ADCY9: variants seen among roughly 807,000 people sequenced by gnomAD.
ADCY9 encodes the protein adenylate cyclase type 9.
Under a neutral mutation model 101.5 loss-of-function variants are expected in ADCY9, and 50 were observed. That is an observed-to-expected ratio of 0.49 (90% CI 0.39 to 0.62). The LOEUF (loss-of-function observed/expected upper bound fraction) is 0.62, where lower values mean the gene tolerates loss of function less well. Ranked by LOEUF, ADCY9 falls within the 20% of genes least tolerant of loss-of-function variation. The probability of loss-of-function intolerance (pLI) is 0.00; values close to 1 mark genes in which losing one functional copy is unlikely to be tolerated. For missense variants in ADCY9, 1,662 were observed against 1,800.4 expected (o/e 0.92, Z 1.39); for synonymous variants, 905 against 769.3 (o/e 1.18, Z -2.92).
intron 9 of ADCY9, among the ~76,000 whole-genome samples, chr16:3,974,941 TC>T (rs1432311153): frequency 2.6e-5 from 4 of 152,138 alleles, no homozygotes; most frequent in African/African-American, 7.2e-5. Flanking sequence ...ATCCTCTCTA[TC>T]CTGCTGAGGC....
intron 2 of ADCY9, among the ~76,000 whole-genome samples, chr16:4,011,926 C>T (rs1195154625): frequency 1.3e-5 from 2 of 152,242 alleles, no homozygotes; most frequent in East Asian, 1.9e-4. Context: ...GCATGTGAGG[C>T]TTAAATGATC....
At chr16:3,957,316 A>G (rs1490152423) in intron 5 of ADCY9, among the ~76,000 whole-genome samples, 1 of 152,246 alleles carries the variant, frequency 6.6e-6, no homozygotes, top group Admixed American at 6.5e-5. Flanking sequence ...AGGGGTTTTC[A>G]GCTCGTTGGC....
intron 3 of ADCY9, among the ~76,000 whole-genome samples, chr16:4,002,027 G>A (rs943729097): frequency 1.3e-5 from 2 of 152,132 alleles, no homozygotes; most frequent in Non-Finnish European, 2.9e-5. Context: ...GGGATTACAG[G>A]TGTGACCACC....
At chr16:4,104,887 C>A (rs1186846110) in intron 2 of ADCY9, among the ~76,000 whole-genome samples, 1 of 151,768 alleles carries the variant, frequency 6.6e-6, no homozygotes, top group Non-Finnish European at 1.5e-5. Flanking sequence ...GGCTAACATG[C>A]TGAAACCCTG....
intron 2 of ADCY9, among the ~76,000 whole-genome samples, chr16:4,019,791 A>C (rs1206607427): frequency 1.3e-5 from 2 of 152,110 alleles, no homozygotes; most frequent in African/African-American, 4.8e-5. Flanking sequence ...AGAAGAAGAG[A>C]TACATGCCAG....
At chr16:4,061,811 T>G (rs1046319628) in intron 2 of ADCY9, among the ~76,000 whole-genome samples, 2 of 152,174 alleles carry the variant, frequency 1.3e-5, no homozygotes, top group Non-Finnish European at 2.9e-5. Context: ...CATAGGCAAA[T>G]ATACAGCAGA....
At chr16:4,029,357 AT>A (rs1288788126) in intron 2 of ADCY9, among the ~76,000 whole-genome samples, 3 of 152,348 alleles carry the variant, frequency 2.0e-5, no homozygotes, top group Non-Finnish European at 4.4e-5. Context: ...AAAAATGGCA[AT>A]TTCGTAGTAA....
intron 2 of ADCY9, among the ~76,000 whole-genome samples, chr16:4,045,982 C>G (rs947169804): frequency 6.7e-6 from 1 of 148,558 alleles, no homozygotes; most frequent in African/African-American, 2.5e-5. Flanking sequence ...GTAGCTGGGA[C>G]TACAGTTGCA....
rs759735634 is a variant in ADCY9, at chr16:3,966,525, G to C, written c.3312C>G (p.Ile1104Met). The change falls in exon 11 of 11, where the codon ATC becomes ATG. Residue 1104 changes from isoleucine to methionine, a missense_variant. By Grantham distance (10) the Ile-to-Met change is conservative. Coordinates refer to ENST00000294016, the MANE Select transcript of ADCY9 (RefSeq NM_001116.4). ...ELLSKPDYSSIEKIKTIGATY... is the reference protein window; with the variant it reads ...ELLSKPDYSSMEKIKTIGATY... ...TGGCTCCGATGGTCTTGATCTTCTC[G>C]ATGCTGCTGTAGTCCGGCTTGCTTA... is the stretch of plus-strand genomic sequence containing the variant. The C allele has an allele frequency of 3.1e-6, 5 of 1,614,030 alleles. No homozygotes were observed. Among genetic ancestry groups the C allele is most frequent in the Non-Finnish European group, 4.2e-6 (5 of 1,180,050 alleles).
In ADCY9 at chr16:3,979,202, G is replaced by T. The variant is rs773593169; in HGVS notation, c.2593C>A (p.Arg865Ser). The part of the protein sequence containing the change: ...LLEWIAGWLP[R>S]HCIGAILVSL... ...ACCAGGATGGCCCCGATGCAGTGAC[G>T]TGGTAGCCAGCCGGCGATCCACTCC... Residue 865 changes from arginine to serine, a missense_variant, in exon 8 of 11, where the codon CGT (arginine) becomes AGT (serine). Physicochemically the swap from Arg to Ser is moderately radical, Grantham distance 110. Around this residue, in one of 5 missense-constraint regions of ADCY9, gnomAD observed 624 missense variants for 639.1 expected, o/e 0.98. Coordinates refer to ENST00000294016, the MANE Select transcript of ADCY9 (RefSeq NM_001116.4). The T allele has an allele frequency of 6.2e-7, 1 of 1,613,976 alleles. No individual in the cohort carries two copies. The highest frequency in any genetic ancestry group is 1.3e-5 in the African/African-American group (1 of 75,050).
At chr16:4,107,687 G>A (rs1299469743) in intron 2 of ADCY9, among the ~76,000 whole-genome samples, 2 of 151,932 alleles carry the variant, frequency 1.3e-5, no homozygotes, top group Admixed American at 6.6e-5. Context: ...ACAAGCTAAC[G>A]GGGGAAGGAA....
rs544278292 is a variant in ADCY9 at position 4,104,788 on chromosome 16, C to T, written c.1693+8962G>A. ...TGCCAAAGCGGTTAAGAAAATTCAGCGAACACACTTAAAAGTGTTTTAACA... is the reference window on the plus strand; with the variant it reads ...TGCCAAAGCGGTTAAGAAAATTCAGTGAACACACTTAAAAGTGTTTTAACA... On this transcript the variant is annotated intron_variant, in intron 2 of 10. Transcript: ENST00000294016. Among the ~76,000 whole-genome samples the T allele has an allele frequency of 7.9e-5, 12 of 152,270 alleles. No homozygotes were observed. The East Asian group carries it at 1.9e-3, about 24-fold the overall frequency.
At chr16:4,113,651 C>T (rs1280845903) in intron 2 of ADCY9, 99 bp downstream of exon 2, 1 of 1,465,682 alleles carries the variant, frequency 6.8e-7, no homozygotes, top group African/African-American at 1.4e-5. Context: ...TCTGAGATAC[C>T]TGAGCTGTCT....
intron 2 of ADCY9, among the ~76,000 whole-genome samples, chr16:4,034,876 T>C (rs2056579306): frequency 1.3e-5 from 2 of 152,180 alleles, no homozygotes; most frequent in Non-Finnish European, 2.9e-5. Flanking sequence ...GCAAGACCCT[T>C]CTGGTCATCT....
intron 2 of ADCY9, among the ~76,000 whole-genome samples, chr16:4,039,350 T>A (rs2056611504): frequency 1.3e-5 from 2 of 152,176 alleles, no homozygotes; most frequent in African/African-American, 2.4e-5. Flanking sequence ...CTTGTCTTTT[T>A]AAGTGTTCCA....
chr16:4,071,332 CAAAAAAAAAAAAAAAAA>C (rs530420293), intron 2 of ADCY9, among the ~76,000 whole-genome samples: 4 of 70,528 alleles, frequency 5.7e-5, no homozygotes, highest in Middle Eastern at 0.01. Context: ...ACTCAGTCTC[CAAAAAAAAAAAAAAAAA>C]AAAAAAAAAA....
chr16:4,111,384 A>G (rs188846923), intron 2 of ADCY9, among the ~76,000 whole-genome samples: 16 of 152,302 alleles, frequency 1.1e-4, no homozygotes, highest in Admixed American at 9.2e-4. Flanking sequence ...CCCGGGTTCA[A>G]ACAATTCTCC....
At chr16:4,044,534 T>C (rs951131547) in intron 2 of ADCY9, among the ~76,000 whole-genome samples, 5 of 152,190 alleles carry the variant, frequency 3.3e-5, no homozygotes, top group African/African-American at 1.2e-4. Flanking sequence ...GATTTCTCCA[T>C]TATAAACCTA....
At chr16:4,047,972 C>G (rs898733436) in intron 2 of ADCY9, among the ~76,000 whole-genome samples, 1 of 152,202 alleles carries the variant, frequency 6.6e-6, no homozygotes, top group Non-Finnish European at 1.5e-5. Context: ...GAGGTTCTGG[C>G]TGACGCTCTG....
Sources: allele counts gnomAD v4.1 joint callset (sites outside exome capture counted in the v4.1 genomes callset), GRCh38; gene constraint gnomAD v4.1.1; regional missense constraint gnomAD v4.1.1; transcripts MANE v1.5; gene names NCBI Gene and HGNC (gene_info 2026-07-23, HGNC 2026-07-21).